PDK1: variants seen among roughly 807,000 people sequenced by gnomAD.
PDK1 encodes pyruvate dehydrogenase kinase 1.
PDK1 carries 39 observed loss-of-function variants against 54.2 expected under a neutral mutation model. The ratio of observed to expected loss-of-function variants is 0.72; its 90% CI spans 0.56 to 0.94. PDK1 has a LOEUF of 0.94. Among genes scored for constraint, PDK1 ranks in the 40% least tolerant of loss-of-function variants. The pLI, the probability that PDK1 is intolerant of heterozygous loss-of-function variation, is 0.00. For synonymous variants in PDK1, 221 were observed against 207.1 expected (o/e 1.07, Z -0.58); for missense variants, 552 against 566.0 (o/e 0.98, Z 0.25).
chr2:172,564,403 A>G lies in PDK1; in HGVS notation c.411-100A>G, dbSNP rs1688823350. ...CATGAACCGATTTTCCTTTTATTAA[A>G]TTGGGGATTTTTTGTCTAGCATAGT... On this transcript the variant is annotated intron_variant, in intron 3 of 10. Coordinates refer to ENST00000282077, the MANE Select transcript of PDK1 (RefSeq NM_002610.5). 9.2e-6 allele frequency: 8 copies of G among 871,382 alleles called. No homozygotes were observed. In the Admixed American group the frequency reaches 1.6e-4, roughly 18 times the overall value. The allele number at this position is 871,382 out of a possible 1,614,324, so 54.0% of individuals were successfully genotyped here. A position where few individuals can be genotyped will look rare whatever the true frequency, so the allele number is the denominator to read the frequency against.
At chr2:172,678,169 CA>C in the PDK1 span, among the ~76,000 whole-genome samples, 25 of 151,614 alleles carry the variant, frequency 1.6e-4, no homozygotes, top group Non-Finnish European at 3.4e-4. Context: ...GACTCCGTCT[CA>C]AAAAAAAGAA....
rs1691300165 is a variant in PDK1 at position 172,606,526 on chromosome 2, G to A, written c.*10557G>A. 1 of 152,164 alleles carries A rather than the reference G, an allele frequency of 6.6e-6. No homozygotes were observed. Among genetic ancestry groups the A allele is most frequent in the African/African-American group, 2.4e-5 (1 of 41,438 alleles). The allele number at this position is 152,164 out of a possible 1,614,324, so 9.4% of individuals were successfully genotyped here. ...CTGCACTCAGCAACATGAAGCACAAGTTCTGTGCAGTTGTCCATATGCTGT... is the reference window on the plus strand; with the variant it reads ...CTGCACTCAGCAACATGAAGCACAAATTCTGTGCAGTTGTCCATATGCTGT... On this transcript the variant is annotated 3_prime_UTR_variant, in exon 11 of 11. Coordinates refer to ENST00000282077, the MANE Select transcript of PDK1 (RefSeq NM_002610.5).
At chr2:172,582,528 T>G (rs771382161) in intron 8 of PDK1, among the ~76,000 whole-genome samples, 4 of 152,232 alleles carry the variant, frequency 2.6e-5, no homozygotes, top group Non-Finnish European at 5.9e-5. Context: ...ATTGGCAAAC[T>G]TCTCTTCCTT....
intron 2 of PDK1, among the ~76,000 whole-genome samples, chr2:172,559,972 G>A (rs941161850): frequency 2.6e-5 from 4 of 152,136 alleles, no homozygotes; most frequent in African/African-American, 7.2e-5. Context: ...TCGGCCTCCT[G>A]AGTAGCTGGG....
the PDK1 span, among the ~76,000 whole-genome samples, chr2:172,662,689 A>G: frequency 6.6e-6 from 1 of 152,180 alleles, no homozygotes; most frequent in African/African-American, 2.4e-5. Context: ...AAATAAATAA[A>G]ACAAACAAGT....
the PDK1 span, among the ~76,000 whole-genome samples, chr2:172,621,821 A>ATATATGTTTATATCTCATATG: frequency 2.1e-5 from 3 of 145,060 alleles, no homozygotes; most frequent in East Asian, 5.9e-4. Flanking sequence ...CATATGTATG[A>ATATATGTTTATATCTCATATG]TATATGTTTA....
the PDK1 span, among the ~76,000 whole-genome samples, chr2:172,721,025 C>A: frequency 6.6e-6 from 1 of 152,178 alleles, no homozygotes; most frequent in African/African-American, 2.4e-5. Context: ...CCCAGACAAA[C>A]CTGTACTGTC....
the PDK1 span, among the ~76,000 whole-genome samples, chr2:172,662,493 C>CGTATGT: frequency 1.4e-5 from 2 of 143,500 alleles, no homozygotes; most frequent in African/African-American, 5.1e-5. Context: ...TTTTTAAAAT[C>CGTATGT]GTGTGTGTGT....
Position 172,568,724 on chromosome 2 carries a change from T to A in PDK1, c.770-17T>A, listed in dbSNP as rs764628990. 1 of 1,509,126 alleles carries A rather than the reference T, an allele frequency of 6.6e-7. No individual in the cohort carries two copies. 93.5% of individuals were successfully genotyped at this position (1,509,126 alleles called of 1,614,324 possible). A position where few individuals can be genotyped will look rare whatever the true frequency, so the allele number is the denominator to read the frequency against. On this transcript the variant is annotated splice_polypyrimidine_tract_variant and intron_variant, in intron 6 of 10. Coordinates refer to ENST00000282077, the MANE Select transcript of PDK1 (RefSeq NM_002610.5). ...ACATCTCTCTGTACTTTCATATTTT[T>A]CTCTTCTGCTCTGTAGCAAAATCAC...
the PDK1 span, among the ~76,000 whole-genome samples, chr2:172,630,256 T>C: frequency 6.6e-6 from 1 of 152,254 alleles, no homozygotes; most frequent in Non-Finnish European, 1.5e-5. Context: ...CCTATTTATA[T>C]TCTTGACCTA....
chr2:172,587,406 C>T (rs1411109816), intron 9 of PDK1, among the ~76,000 whole-genome samples: 2 of 151,948 alleles, frequency 1.3e-5, no homozygotes, highest in South Asian at 2.1e-4. Flanking sequence ...TTGCTGGCTT[C>T]AGGAGTGAAG....
downstream of PDK1, among the ~76,000 whole-genome samples, chr2:172,608,974 A>G (rs1691382419): frequency 6.6e-6 from 1 of 152,348 alleles, no homozygotes; most frequent in East Asian, 1.9e-4. Context: ...TCTATAATGG[A>G]AAATCATTAT....
At chr2:172,692,316 A>C in the PDK1 span, among the ~76,000 whole-genome samples, 1 of 152,224 alleles carries the variant, frequency 6.6e-6, no homozygotes, top group African/African-American at 2.4e-5. Context: ...TTTAAGGCTC[A>C]AATACAAGGT....
At chr2:172,676,827 G>C in the PDK1 span, among the ~76,000 whole-genome samples, 1 of 152,110 alleles carries the variant, frequency 6.6e-6, no homozygotes, top group African/African-American at 2.4e-5. Context: ...TTTTGTGAAA[G>C]GAAGATTGAA....
At chr2:172,709,134 A>C in the PDK1 span, among the ~76,000 whole-genome samples, 7 of 152,268 alleles carry the variant, frequency 4.6e-5, no homozygotes, top group East Asian at 1.3e-3. Context: ...AAAATAGTTA[A>C]GGGTATTTAA....
the PDK1 span, among the ~76,000 whole-genome samples, chr2:172,618,474 C>A: frequency 0.032 from 4,832 of 152,260 alleles, 130 homozygotes; most frequent in South Asian, 0.14. Context: ...TAATAATCAT[C>A]ATCTGGTAGG....
At chr2:172,660,245 C>CTTTTTTTTTTTTTTTTTTTTTTT in the PDK1 span, among the ~76,000 whole-genome samples, 2 of 55,628 alleles carry the variant, frequency 3.6e-5, 1 homozygote, top group African/African-American at 1.4e-4. Flanking sequence ...CTCTCTCTCT[C>CTTTTTTTTTTTTTTTTTTTTTTT]TCTTTTTTTT....
chr2:172,570,880 A>T (rs1689215158), intron 8 of PDK1, 56 bp downstream of exon 8: 6 of 957,690 alleles, frequency 6.3e-6, no homozygotes, highest in Non-Finnish European at 4.9e-6. Context: ...TGATGAACAG[A>T]CATGCAAAGG....
At chr2:172,672,928 A>C in the PDK1 span, among the ~76,000 whole-genome samples, 1 of 152,244 alleles carries the variant, frequency 6.6e-6, no homozygotes, top group African/African-American at 2.4e-5. Context: ...TGTTACCAGC[A>C]GCAAATCCAT....
Sources: allele counts gnomAD v4.1 joint callset (sites outside exome capture counted in the v4.1 genomes callset), GRCh38; gene constraint gnomAD v4.1.1; transcripts MANE v1.5; gene names NCBI Gene and HGNC (gene_info 2026-07-23, HGNC 2026-07-21).